Variants in PCDHGB3 observed in about 807,000 individuals in gnomAD.
PCDHGB3 encodes the protein protocadherin gamma subfamily B, 3.
Under a neutral mutation model 59.2 loss-of-function variants are expected in PCDHGB3, and 40 were observed. The observed-to-expected ratio is 0.68, with a 90% CI of 0.52 to 0.88. The LOEUF is 0.88. PCDHGB3 is among the 40% of genes least tolerant of loss of function. PCDHGB3 has a pLI of 0.00. For synonymous variants in PCDHGB3, 581 were observed against 503.6 expected (o/e 1.15, Z -2.06); for missense variants, 1,309 against 1,187.9 (o/e 1.10, Z -1.50).
chr5:141,415,649 A>C, intron 1 of PCDHGB3: 1 of 1,597,710 alleles, frequency 6.3e-7, no homozygotes, highest in Non-Finnish European at 8.5e-7. Context: ...GTTAAAAAAA[A>C]AAAGATTGGT....
At chr5:141,415,767 T>TTTTTTTTTTTTTTTTTTTTTG (rs2095942916) in intron 1 of PCDHGB3, 1 of 1,300,668 alleles carries the variant, frequency 7.7e-7, no homozygotes, top group African/African-American at 1.8e-5. Flanking sequence ...TTTTTTTTTT[T>TTTTTTTTTTTTTTTTTTTTTG]TTTTTACTTT....
At position 141,418,023 on chromosome 5, in the gene PCDHGB3, G is replaced by A. The variant is rs375588252; in HGVS notation, c.2415+45214G>A. 244 of 1,613,996 alleles carry A rather than the reference G, an allele frequency of 1.5e-4. No individual in the cohort carries two copies. The Middle Eastern group carries it at 3.5e-3, about 23-fold the overall frequency. On this transcript the variant is annotated intron_variant, in intron 1 of 3. Coordinates refer to ENST00000576222, the MANE Select transcript of PCDHGB3 (RefSeq NM_018924.5). ...GTGGGGAACCTCGCTAAGGATCTAGGGCTTAGTGTCCTGGATGTGTCGGCT... is the reference window on the plus strand; with the variant it reads ...GTGGGGAACCTCGCTAAGGATCTAGAGCTTAGTGTCCTGGATGTGTCGGCT...
intron 1 of PCDHGB3, among the ~76,000 whole-genome samples, chr5:141,387,521 C>G (rs1036909067): frequency 6.6e-6 from 1 of 152,188 alleles, no homozygotes; most frequent in Non-Finnish European, 1.5e-5. Flanking sequence ...ATTAAATATA[C>G]AGACGTATCC....
Position 141,432,083 on chromosome 5 carries a change from G to T in PCDHGB3, c.2415+59274G>T, listed in dbSNP as rs1221754474. On this transcript the variant is annotated intron_variant, in intron 1 of 3. Transcript: ENST00000576222. The surrounding 1 kb of genome is among the most constrained non-coding windows in gnomAD (Gnocchi z 6.0). ...CACGGAAACTCATATCTCGCTGAAC[G>T]TGGCAGACACCAACGACAACCCGCC... The T allele has an allele frequency of 1.9e-6, 3 of 1,614,040 alleles. No individual in the cohort carries two copies. The highest frequency in any genetic ancestry group is 2.7e-5 in the African/African-American group (2 of 74,910).
Position 141,489,714 on chromosome 5 carries a change from G to C in PCDHGB3, c.2416-5093G>C, listed in dbSNP as rs770143357. On this transcript the variant is annotated intron_variant, in intron 1 of 3. Coordinates refer to ENST00000576222, the MANE Select transcript of PCDHGB3 (RefSeq NM_018924.5). The surrounding 1 kb of genome is among the most constrained non-coding windows in gnomAD (Gnocchi z 4.5). Reference sequence around the variant, plus strand: ...CACGATTCCCACTGGACAGTGCCCAGGATCCGGATGTGGGCACCAATACTG... The same window carrying C: ...CACGATTCCCACTGGACAGTGCCCACGATCCGGATGTGGGCACCAATACTG... 7.4e-6 allele frequency: 12 copies of C among 1,613,958 alleles called. No individual in the cohort carries two copies. The highest frequency in any genetic ancestry group is 1.0e-5 in the Non-Finnish European group (12 of 1,179,930).
intron 1 of PCDHGB3, chr5:141,423,881 G>A (rs2096788712): frequency 7.8e-7 from 1 of 1,281,784 alleles, no homozygotes; most frequent in Non-Finnish European, 9.9e-7. Flanking sequence ...TTCAATCTTG[G>A]CATATTTTCT....
rs759756007 is a variant in PCDHGB3 at position 141,476,248 on chromosome 5, T to C, written c.2416-18559T>C. 2 of 1,613,856 alleles carry C rather than the reference T, an allele frequency of 1.2e-6. No individual in the cohort carries two copies. Among genetic ancestry groups the C allele is most frequent in the South Asian group, 2.2e-5 (2 of 91,050 alleles). On this transcript the variant is annotated intron_variant, in intron 1 of 3. Transcript: ENST00000576222. The surrounding 1 kb of genome is among the most constrained non-coding windows in gnomAD (Gnocchi z 7.6). The stretch of plus-strand genomic sequence containing the variant: ...AGATCCCGGAGGAAAGAGAGAAGGG[T>C]TTCGCTGTGGGCAACGTGGTCGCGA...
intron 1 of PCDHGB3, among the ~76,000 whole-genome samples, chr5:141,451,498 C>A (rs2098717552): frequency 6.6e-6 from 1 of 152,208 alleles, no homozygotes; most frequent in South Asian, 2.1e-4. Flanking sequence ...CTCCATAGGG[C>A]AACCAGCTTC....
At chr5:141,408,598 A>G (rs1391583761) in intron 1 of PCDHGB3, 1 of 1,614,070 alleles carries the variant, frequency 6.2e-7, no homozygotes, top group Admixed American at 1.7e-5. Flanking sequence ...ACGCCCCTCA[A>G]TTTGATAAAA....
chr5:141,394,127 C>T lies in PCDHGB3; in HGVS notation c.2415+21318C>T, dbSNP rs376102299. 4.0e-5 allele frequency: 64 copies of T among 1,613,960 alleles called. No homozygotes were observed. The African/African-American group carries it at 7.1e-4, about 18-fold the overall frequency. ...CACCTCTGTCCACTGAAACTCAAAT[C>T]GCTCTGCACGTGGCAGACATTAACG... is the stretch of plus-strand genomic sequence containing the variant. On this transcript the variant is annotated intron_variant, in intron 1 of 3. Transcript: ENST00000576222.
chr5:141,374,437 C>A (rs549456032), intron 1 of PCDHGB3: 1 of 1,613,846 alleles, frequency 6.2e-7, no homozygotes, highest in South Asian at 1.1e-5. Flanking sequence ...ATCTTTATCC[C>A]GTGGAAGTGG....
At chr5:141,414,491 A>T in intron 1 of PCDHGB3, 1 of 1,613,962 alleles carries the variant, frequency 6.2e-7, no homozygotes, top group Non-Finnish European at 8.5e-7. Flanking sequence ...CTATCAACGG[A>T]AGCTCACTTT....
intron 1 of PCDHGB3, chr5:141,375,539 C>G (rs1771564723): frequency 1.2e-6 from 2 of 1,613,986 alleles, no homozygotes; most frequent in Non-Finnish European, 1.7e-6. Context: ...CCAGAACGCC[C>G]AAGTCTCCTA....
chr5:141,479,021 T>C (rs72790064), intron 1 of PCDHGB3, among the ~76,000 whole-genome samples: 1,892 of 152,352 alleles, frequency 0.012, 20 homozygotes, highest in Non-Finnish European at 0.018. Context: ...TAATTTTCCT[T>C]TGTTTATACA....
At chr5:141,376,171 G>C (rs758847977) in intron 1 of PCDHGB3, 5 of 1,614,096 alleles carry the variant, frequency 3.1e-6, no homozygotes. Flanking sequence ...TGGTGGTGGC[G>C]GTGGCCGCGG....
rs999687684 is a variant in PCDHGB3, at chr5:141,431,598, C to T, written c.2415+58789C>T. 1 of 1,614,192 alleles carries T rather than the reference C, an allele frequency of 6.2e-7. No homozygotes were observed. The highest frequency in any genetic ancestry group is 8.5e-7 in the Non-Finnish European group (1 of 1,180,046). ...GGAGTCAATGCGGAAGTGAGGTATT[C>T]CTTCCGGTATGTGGACGACAAGGCG... is the stretch of plus-strand genomic sequence containing the variant. On this transcript the variant is annotated intron_variant, in intron 1 of 3. Coordinates refer to ENST00000576222, the MANE Select transcript of PCDHGB3 (RefSeq NM_018924.5). This position sits in a 1 kb window ranked among gnomAD's most constrained non-coding sequence, Gnocchi z 4.8.
chr5:141,510,833 C>G, intron 3 of PCDHGB3, 114 bp from the exon 4 acceptor site: 2 of 1,577,796 alleles, frequency 1.3e-6, no homozygotes, highest in Admixed American at 1.7e-5. Context: ...CAGTGCTCAG[C>G]GTGGTCAAGG....
chr5:141,394,613 G>A (rs1402834373), intron 1 of PCDHGB3: 1 of 1,613,570 alleles, frequency 6.2e-7, no homozygotes, highest in Admixed American at 1.7e-5. Context: ...ACTCGGGCCA[G>A]AACGCCTGGC....
At chr5:141,417,460 A>G (rs1160577617) in intron 1 of PCDHGB3, 1 of 180,404 alleles carries the variant, frequency 5.5e-6, no homozygotes, top group Non-Finnish European at 1.1e-5. Flanking sequence ...GACCAAGTGG[A>G]AATATATTTC....
Sources: allele counts gnomAD v4.1 joint callset (sites outside exome capture counted in the v4.1 genomes callset), GRCh38; gene constraint gnomAD v4.1.1; non-coding constraint Gnocchi (gnomAD v3.1); transcripts MANE v1.5; gene names NCBI Gene and HGNC (gene_info 2026-07-23, HGNC 2026-07-21).